The following MARCHF1 variants were observed in gnomAD, a reference collection of about 807,000 sequenced individuals.
MARCHF1 encodes E3 ubiquitin-protein ligase MARCHF1.
In MARCHF1, 40 loss-of-function variants were observed where a neutral mutation model predicts 54.2. That is an observed-to-expected ratio of 0.74 (90% confidence interval 0.57 to 0.96). The LOEUF is 0.96. MARCHF1 is among the 40% of genes least tolerant of loss of function. MARCHF1 has a pLI of 0.00. For missense variants in MARCHF1, 586 were observed against 656.5 expected (o/e 0.89, Z 1.17); for synonymous variants, 236 against 236.3 (o/e 1.00, Z 0.01).
chr4:164,221,994 A>AG (rs1395346703), intron 1 of MARCHF1, among the ~76,000 whole-genome samples: 3 of 150,928 alleles, frequency 2.0e-5, no homozygotes, highest in Non-Finnish European at 3.0e-5. Flanking sequence ...GTGAAGAAAA[A>AG]ATTGGACCTG....
intron 1 of MARCHF1, among the ~76,000 whole-genome samples, chr4:164,221,378 G>A (rs1269289771): frequency 6.6e-6 from 1 of 151,832 alleles, no homozygotes; most frequent in East Asian, 1.9e-4. Flanking sequence ...AATGTATAAG[G>A]AGAAATACAT....
intron 3 of MARCHF1, among the ~76,000 whole-genome samples, chr4:163,963,187 G>C (rs1752373810): frequency 6.6e-6 from 1 of 151,846 alleles, no homozygotes; most frequent in East Asian, 1.9e-4. Context: ...TTATACATCA[G>C]CCCTTTAACA....
At position 163,849,324 on chromosome 4, in the gene MARCHF1, C is replaced by A. The variant is rs1268729685; in HGVS notation, c.111+4697G>T. Among the ~76,000 whole-genome samples the A allele has an allele frequency of 3.3e-5, 5 of 150,440 alleles. No individual in the cohort carries two copies. In the Admixed American group the frequency reaches 3.3e-4, roughly 10 times the overall value. ...ATTAAAAATGAGAATATTTGTAAAACACTTAGAAAAGTTCTTGGAACATAA... is the reference window on the plus strand; with the variant it reads ...ATTAAAAATGAGAATATTTGTAAAAAACTTAGAAAAGTTCTTGGAACATAA... On this transcript the variant is annotated intron_variant, in intron 4 of 9. Transcript: ENST00000514618.
At chr4:163,815,747 G>A (rs1248743431) in intron 4 of MARCHF1, among the ~76,000 whole-genome samples, 1 of 152,012 alleles carries the variant, frequency 6.6e-6, no homozygotes, top group East Asian at 1.9e-4. Flanking sequence ...GTTCTATATA[G>A]ATTTTATAAG....
intron 3 of MARCHF1, among the ~76,000 whole-genome samples, chr4:163,889,010 G>A (rs147624498): frequency 2.0e-5 from 3 of 152,110 alleles, no homozygotes; most frequent in African/African-American, 7.2e-5. Context: ...TGCATGGTAG[G>A]TATACAAGAG....
intron 2 of MARCHF1, among the ~76,000 whole-genome samples, chr4:164,010,138 C>T (rs1028159176): frequency 1.3e-5 from 2 of 148,244 alleles, no homozygotes; most frequent in African/African-American, 5.0e-5. Context: ...GCAATCTCGG[C>T]TCACTGCAAC....
intron 3 of MARCHF1, among the ~76,000 whole-genome samples, chr4:163,970,021 G>GC (rs1181353362): frequency 5.3e-5 from 8 of 152,148 alleles, no homozygotes; most frequent in South Asian, 2.1e-4. Flanking sequence ...TTAGGGCAAA[G>GC]CAAGAGCTAA....
intron 4 of MARCHF1, among the ~76,000 whole-genome samples, chr4:163,720,656 A>G (rs1360681578): frequency 6.6e-6 from 1 of 152,234 alleles, no homozygotes; most frequent in Non-Finnish European, 1.5e-5. Context: ...CTTCCTATCC[A>G]TGAACATGGA....
intron 4 of MARCHF1, among the ~76,000 whole-genome samples, chr4:163,783,499 C>G (rs1378600988): frequency 6.6e-6 from 1 of 152,172 alleles, no homozygotes; most frequent in East Asian, 1.9e-4. Flanking sequence ...AAATTTTGTA[C>G]CTTGAGTACC....
At chr4:163,884,531 C>T (rs1750487193) in intron 3 of MARCHF1, among the ~76,000 whole-genome samples, 1 of 152,072 alleles carries the variant, frequency 6.6e-6, no homozygotes, top group Non-Finnish European at 1.5e-5. Context: ...CTTCTCCTTC[C>T]CCTTGTTCCT....
chr4:164,126,168 A>G (rs1756175378), intron 1 of MARCHF1, among the ~76,000 whole-genome samples: 1 of 152,216 alleles, frequency 6.6e-6, no homozygotes, highest in African/African-American at 2.4e-5. Flanking sequence ...ATTGAAATCT[A>G]ATTACCAATG....
At chr4:163,944,126 CG>C (rs1208537416) in intron 3 of MARCHF1, among the ~76,000 whole-genome samples, 2 of 129,982 alleles carry the variant, frequency 1.5e-5, no homozygotes, top group African/African-American at 5.7e-5. Flanking sequence ...GTCACTGCAC[CG>C]GGCTAATTTT....
At chr4:164,327,689 A>T (rs1735319417) in intron 1 of MARCHF1, among the ~76,000 whole-genome samples, 2 of 152,212 alleles carry the variant, frequency 1.3e-5, no homozygotes, top group Admixed American at 1.3e-4. Context: ...AGAACATTCT[A>T]AAGCAATGTC....
chr4:164,221,034 CT>C (rs1295392639), intron 1 of MARCHF1, among the ~76,000 whole-genome samples: 8 of 151,934 alleles, frequency 5.3e-5, no homozygotes, highest in Non-Finnish European at 1.5e-5. Context: ...CCTCCCATTC[CT>C]TTCAGAATTG....
chr4:163,652,809 T>C (rs1473514165), intron 5 of MARCHF1, among the ~76,000 whole-genome samples: 1 of 151,876 alleles, frequency 6.6e-6, no homozygotes, highest in Non-Finnish European at 1.5e-5. Context: ...CATCCAACTT[T>C]TAATGTGTAC....
intron 8 of MARCHF1, among the ~76,000 whole-genome samples, chr4:163,549,549 G>C (rs1739030833): frequency 1.3e-5 from 2 of 152,102 alleles, no homozygotes; most frequent in African/African-American, 2.4e-5. Flanking sequence ...CTTGAAGATG[G>C]GGGATGAGCT....
intron 1 of MARCHF1, among the ~76,000 whole-genome samples, chr4:164,329,686 G>A (rs1735375580): frequency 6.6e-6 from 1 of 152,166 alleles, no homozygotes; most frequent in African/African-American, 2.4e-5. Context: ...ATGACAGAAG[G>A]CAAAATAAGA....
At chr4:164,279,753 T>C (rs1340793116) in intron 1 of MARCHF1, among the ~76,000 whole-genome samples, 1 of 81,716 alleles carries the variant, frequency 1.2e-5, no homozygotes, top group Non-Finnish European at 3.7e-5. Context: ...ATGTGTAAAA[T>C]GTAAAAAAGT....
intron 1 of MARCHF1, among the ~76,000 whole-genome samples, chr4:164,141,536 C>T (rs1362410655): frequency 6.6e-6 from 1 of 152,170 alleles, no homozygotes; most frequent in East Asian, 1.9e-4. Flanking sequence ...TTTTTATAAC[C>T]TGCACCTTAC....
Sources: gnomAD v4.1 joint callset for allele counts (sites outside exome capture counted in the v4.1 genomes callset) on GRCh38, gnomAD v4.1.1 for gene constraint, MANE v1.5 for transcripts, NCBI Gene and HGNC (gene_info 2026-07-23, HGNC 2026-07-21) for gene names.